Variants in PARD3B observed in about 807,000 individuals in gnomAD.
PARD3B encodes the protein par-3 family cell polarity regulator beta.
In PARD3B, 103 loss-of-function variants were observed where a neutral mutation model predicts 130.2. The ratio of observed to expected loss-of-function variants is 0.79; its 90% CI spans 0.67 to 0.93. The LOEUF is 0.93. PARD3B is among the 40% of genes least tolerant of loss of function. The probability of loss-of-function intolerance (pLI) is 0.00; values close to 1 mark genes in which losing one functional copy is unlikely to be tolerated. For missense variants in PARD3B, 1,609 were observed against 1,499.2 expected, an observed-to-expected ratio of 1.07 and a Z score of -1.21; for synonymous variants, 583 against 553.2, an observed-to-expected ratio of 1.05 and a Z score of -0.76.
chr2:205,104,331 G>A (rs759741178), intron 4 of PARD3B, 95 bp from the exon 5 acceptor site: 189 of 852,242 alleles, frequency 2.2e-4, no homozygotes, highest in Non-Finnish European at 3.3e-4. Flanking sequence ...TATATCCAGC[G>A]TAAAGCGGTT....
chr2:205,373,618 G>A (rs1449235365), intron 18 of PARD3B, among the ~76,000 whole-genome samples: 1 of 152,204 alleles, frequency 6.6e-6, no homozygotes, highest in African/African-American at 2.4e-5. Flanking sequence ...TATCAAAAAT[G>A]AATAGAGAGG....
intron 21 of PARD3B, among the ~76,000 whole-genome samples, chr2:205,506,160 C>T (rs1337660368): frequency 1.3e-5 from 2 of 152,196 alleles, no homozygotes; most frequent in Non-Finnish European, 2.9e-5. Flanking sequence ...TGGTGAAACC[C>T]TGTCTTTACT....
At chr2:205,075,244 T>C (rs901742369) in intron 4 of PARD3B, among the ~76,000 whole-genome samples, 13 of 152,158 alleles carry the variant, frequency 8.5e-5, no homozygotes, top group African/African-American at 3.1e-4. Flanking sequence ...GTTTGAGAGC[T>C]TCCCGAAAGT....
intron 20 of PARD3B, among the ~76,000 whole-genome samples, chr2:205,468,218 CAACT>C (rs1195793825): frequency 1.3e-5 from 2 of 152,232 alleles, no homozygotes; most frequent in Non-Finnish European, 2.9e-5. Context: ...GCTTCGACAA[CAACT>C]AACTCAGGCA....
At chr2:205,475,823 G>A (rs567939651) in intron 20 of PARD3B, among the ~76,000 whole-genome samples, 1 of 152,282 alleles carries the variant, frequency 6.6e-6, no homozygotes, top group East Asian at 1.9e-4. Context: ...CATATTTGTT[G>A]TGATAGTCAG....
chr2:205,198,378 G>A (rs2036808259), intron 15 of PARD3B, among the ~76,000 whole-genome samples: 2 of 152,154 alleles, frequency 1.3e-5, no homozygotes. Context: ...AACATTCCAT[G>A]TCTCATAGTC....
intron 1 of PARD3B, among the ~76,000 whole-genome samples, chr2:204,615,652 A>T (rs1268891523): frequency 6.6e-6 from 1 of 152,152 alleles, no homozygotes; most frequent in Non-Finnish European, 1.5e-5. Flanking sequence ...CGACAGGCTT[A>T]CTGTGTTTAC....
At chr2:204,950,788 A>G (rs867014728) in intron 2 of PARD3B, among the ~76,000 whole-genome samples, 5 of 152,210 alleles carry the variant, frequency 3.3e-5, no homozygotes, top group Admixed American at 2.0e-4. Flanking sequence ...GATTTGGGAG[A>G]TTGCAGAAGA....
At chr2:205,549,748 C>T (rs1272390425) in intron 21 of PARD3B, among the ~76,000 whole-genome samples, 1 of 152,120 alleles carries the variant, frequency 6.6e-6, no homozygotes, top group Non-Finnish European at 1.5e-5. Context: ...GAATGAGTAA[C>T]ACCTAGAGAG....
At chr2:205,376,221 CAGAT>C (rs2045044062) in intron 18 of PARD3B, among the ~76,000 whole-genome samples, 1 of 152,048 alleles carries the variant, frequency 6.6e-6, no homozygotes, top group African/African-American at 2.4e-5. Context: ...ACGAGGCCAC[CAGAT>C]AGATAATAAG....
chr2:204,730,125 A>G (rs2039441729), intron 2 of PARD3B, among the ~76,000 whole-genome samples: 1 of 151,880 alleles, frequency 6.6e-6, no homozygotes, highest in Admixed American at 6.6e-5. Context: ...CCCAGGCTGG[A>G]GTGCAATGGC....
At chr2:205,272,084 G>A (rs1280052415) in intron 16 of PARD3B, among the ~76,000 whole-genome samples, 1 of 151,704 alleles carries the variant, frequency 6.6e-6, no homozygotes, top group Non-Finnish European at 1.5e-5. Flanking sequence ...TTTGAACCCG[G>A]GAGGCAGAGT....
intron 11 of PARD3B, among the ~76,000 whole-genome samples, chr2:205,165,575 A>G (rs4425060): frequency 0.4 from 60,635 of 151,752 alleles, 12,807 homozygotes; most frequent in African/African-American, 0.52. Context: ...AAAACTAGCC[A>G]GGCATGATGG....
intron 3 of PARD3B, among the ~76,000 whole-genome samples, chr2:205,028,388 CA>C (rs1273166915): frequency 3.9e-5 from 6 of 152,134 alleles, no homozygotes; most frequent in Admixed American, 6.6e-5. Flanking sequence ...ATTATTTGAC[CA>C]AATTCAACAT....
At chr2:204,550,095 A>T (rs1385824639) in intron 1 of PARD3B, among the ~76,000 whole-genome samples, 1 of 152,190 alleles carries the variant, frequency 6.6e-6, no homozygotes, top group Non-Finnish European at 1.5e-5. Flanking sequence ...GTCCCTTAGT[A>T]TCCATAGGGG....
chr2:204,708,244 A>G (rs1246242464), intron 2 of PARD3B, among the ~76,000 whole-genome samples: 1 of 152,164 alleles, frequency 6.6e-6, no homozygotes, highest in African/African-American at 2.4e-5. Flanking sequence ...CCTAGCCTCC[A>G]GCGATCCTCC....
At chr2:205,413,261 A>G (rs2046661660) in intron 19 of PARD3B, among the ~76,000 whole-genome samples, 1 of 152,184 alleles carries the variant, frequency 6.6e-6, no homozygotes, top group African/African-American at 2.4e-5. Flanking sequence ...CACATAATAG[A>G]TACACATTGT....
chr2:204,638,792 T>C (rs2125150450), intron 1 of PARD3B, among the ~76,000 whole-genome samples: 2 of 152,344 alleles, frequency 1.3e-5, no homozygotes, highest in Admixed American at 1.3e-4. Flanking sequence ...ATGGAAATGA[T>C]GGCATATAGT....
chr2:205,277,037 A>T (rs1209965459), intron 16 of PARD3B, among the ~76,000 whole-genome samples: 1 of 152,224 alleles, frequency 6.6e-6, no homozygotes, highest in Non-Finnish European at 1.5e-5. Context: ...AACAACAGGG[A>T]TACAATTAAA....
Sources: allele counts gnomAD v4.1 joint callset (sites outside exome capture counted in the v4.1 genomes callset), GRCh38; gene constraint gnomAD v4.1.1; transcripts MANE v1.5; gene names NCBI Gene and HGNC (gene_info 2026-07-23, HGNC 2026-07-21).